The following STKLD1 variants were observed in gnomAD, a reference collection of about 807,000 sequenced individuals.
STKLD1 encodes serine/threonine kinase-like domain-containing protein STKLD1.
In STKLD1, 79 loss-of-function variants were observed where a neutral mutation model predicts 80.4. That is an observed-to-expected ratio of 0.98 (90% CI 0.82 to 1.19). STKLD1 has a LOEUF of 1.19. Among genes scored for constraint, STKLD1 ranks in the 50% most tolerant of loss-of-function variants. STKLD1 has a pLI of 0.00. For missense variants in STKLD1, 841 were observed against 856.0 expected, an observed-to-expected ratio of 0.98 and a Z score of 0.22; for synonymous variants, 393 against 357.6, an observed-to-expected ratio of 1.10 and a Z score of -1.12.
chr9:133,396,824 T>C (rs1838575565), intron 9 of STKLD1, among the ~76,000 whole-genome samples: 1 of 152,116 alleles, frequency 6.6e-6, no homozygotes, highest in African/African-American at 2.4e-5. Context: ...CTGGGTCATA[T>C]TCATCTTTAT....
intron 7 of STKLD1, among the ~76,000 whole-genome samples, chr9:133,392,127 A>G (rs587649759): frequency 4.8e-5 from 7 of 144,940 alleles, no homozygotes; most frequent in African/African-American, 1.8e-4. Context: ...CCCAGGCTGG[A>G]ATGCAGTAGC....
chr9:133,389,171 A>T lies in STKLD1; in HGVS notation c.397-355A>T, dbSNP rs1396860164. The T allele has an allele frequency of 3.0e-6, 3 of 985,092 alleles. No homozygotes were observed. In the South Asian group the frequency reaches 1.4e-4, roughly 46 times the overall value. The allele number at this position is 985,092 out of a possible 1,614,324, so 61.0% of individuals were successfully genotyped here. A position where few individuals can be genotyped will look rare whatever the true frequency, so the allele number is the denominator to read the frequency against. ...GCTCATGTAGGCACTGAAGGCTTCC[A>T]CCTCTCCCATACCCGCAAGGCCGAT... On this transcript the variant is annotated intron_variant, in intron 5 of 17. Transcript: ENST00000371957. This position sits in a 1 kb window ranked among gnomAD's most constrained non-coding sequence, Gnocchi z 6.4.
Position 133,395,769 on chromosome 9 carries a change from C to T in STKLD1, c.866+6C>T, listed in dbSNP as rs368667966. ...TCGGATCGAATAACGATAAAGTGAGCTCAGGGTCGGGGTTTATTTTAACCT... is the reference window on the plus strand; with the variant it reads ...TCGGATCGAATAACGATAAAGTGAGTTCAGGGTCGGGGTTTATTTTAACCT... On this transcript the variant is annotated splice_donor_region_variant and intron_variant, in intron 9 of 17. Transcript: ENST00000371957. 2.5e-6 allele frequency: 4 copies of T among 1,612,846 alleles called. No homozygotes were observed. Among genetic ancestry groups the T allele is most frequent in the East Asian group, 4.5e-5 (2 of 44,882 alleles).
At chr9:133,386,720 C>T (rs1838272157) in intron 4 of STKLD1, among the ~76,000 whole-genome samples, 1 of 152,244 alleles carries the variant, frequency 6.6e-6, no homozygotes, top group African/African-American at 2.4e-5. Flanking sequence ...CAGGAGCTTT[C>T]CAGTCACTTC....
intron 7 of STKLD1, among the ~76,000 whole-genome samples, chr9:133,391,339 C>G (rs1386780269): frequency 5.3e-5 from 8 of 150,402 alleles, no homozygotes; most frequent in Non-Finnish European, 7.4e-5. Flanking sequence ...CCCCTCTGCC[C>G]GGCCGCCACC....
rs2119225444 is a variant in STKLD1 at position 133,392,689 on chromosome 9, A to AT, written c.584-1602_584-1601insT. ...TGGGTGGGTGAGTGGATGGGTGAGT[A>AT]GGTGAGTGGATGAGTGGATGGATGG... On this transcript the variant is annotated intron_variant, in intron 7 of 17. Transcript: ENST00000371957. 7.6e-3 allele frequency among the ~76,000 whole-genome samples: 307 copies of AT among 40,390 alleles called. 40 individuals are homozygous for AT. The highest frequency in any genetic ancestry group is 0.033 in the African/African-American group (272 of 8,368). 26.5% of individuals were successfully genotyped at this position (40,390 alleles called of 152,430 possible).
rs1554777705 is a variant in STKLD1 at position 133,401,767 on chromosome 9, C to T, written c.1228C>T (p.Pro410Ser). ...GGTGCACCACCCGGAAGCCAAGGCTCCCTGCAACCAAGCCATCACCTCCAC... is the reference window on the plus strand; with the variant it reads ...GGTGCACCACCCGGAAGCCAAGGCTTCCTGCAACCAAGCCATCACCTCCAC... Reference protein sequence around the residue: ...ALVHHPEAKAPCNQAITSTLL... With the variant: ...ALVHHPEAKASCNQAITSTLL... The change falls in exon 13 of 18, where the codon CCC becomes TCC. Residue 410 changes from proline to serine, a missense_variant. Pro to Ser is a moderately conservative substitution (Grantham distance 74, BLOSUM62 -1). Transcript: ENST00000371957. 1 of 1,613,358 alleles carries T rather than the reference C, an allele frequency of 6.2e-7. No homozygotes were observed. The highest frequency in any genetic ancestry group is 8.5e-7 in the Non-Finnish European group (1 of 1,179,936).
At chr9:133,399,900 G>A (rs1177032128) in intron 11 of STKLD1, among the ~76,000 whole-genome samples, 1 of 151,758 alleles carries the variant, frequency 6.6e-6, no homozygotes, top group African/African-American at 2.4e-5. Flanking sequence ...AAAAAGAGGG[G>A]GGGGTCTTGC....
At chr9:133,380,520 G>C (rs2130263739) in intron 2 of STKLD1, among the ~76,000 whole-genome samples, 1 of 152,276 alleles carries the variant, frequency 6.6e-6, no homozygotes, top group South Asian at 2.1e-4. Flanking sequence ...TGAGCATGGT[G>C]GTGGGTGCCT....
chr9:133,391,148 GC>G (rs796168636), intron 7 of STKLD1, among the ~76,000 whole-genome samples: 3 of 149,270 alleles, frequency 2.0e-5, no homozygotes, highest in Admixed American at 6.6e-5. Context: ...GGGGGGGTCA[GC>G]CCCCCGCCCG....
intron 11 of STKLD1, among the ~76,000 whole-genome samples, chr9:133,399,922 C>G (rs1050172590): frequency 5.3e-5 from 8 of 151,566 alleles, no homozygotes; most frequent in African/African-American, 1.9e-4. Context: ...TCGCTCCACA[C>G]TCCAGGTGCC....
chr9:133,389,326 C>CTGGCTGCCGCCGCGGCTT lies in STKLD1; in HGVS notation c.397-198_397-181dup. The CTGGCTGCCGCCGCGGCTT allele has an allele frequency of 1.0e-6, 1 of 985,338 alleles. No individual in the cohort carries two copies. The highest frequency in any genetic ancestry group is 1.2e-6 in the Non-Finnish European group (1 of 829,904). The allele number at this position is 985,338 out of a possible 1,614,324, so 61.0% of individuals were successfully genotyped here. ...TGGAGTCTGGAAACTCAGAGTCCTTCTGGCTGCCGCCGCGGCTTTACCATC... is the reference window on the plus strand; with the variant it reads ...TGGAGTCTGGAAACTCAGAGTCCTTCTGGCTGCCGCCGCGGCTTTGGCTGCCGCCGCGGCTTTACCATC... On this transcript the variant is annotated intron_variant, in intron 5 of 17. Transcript: ENST00000371957. This position sits in a 1 kb window ranked among gnomAD's most constrained non-coding sequence, Gnocchi z 6.4.
At chr9:133,378,602 G>A (rs1018634192) in intron 1 of STKLD1, among the ~76,000 whole-genome samples, 1 of 152,244 alleles carries the variant, frequency 6.6e-6, no homozygotes, top group African/African-American at 2.4e-5. Flanking sequence ...GAAGTGCTTG[G>A]CACCATGCCA....
At chr9:133,404,952 C>T (rs1554778440) in intron 17 of STKLD1, 23 bp downstream of exon 17, 1 of 1,611,868 alleles carries the variant, frequency 6.2e-7, no homozygotes, top group Non-Finnish European at 8.5e-7. Context: ...TCTCACCTCA[C>T]ACTCCCTAGA....
chr9:133,380,967 G>A (rs2130264696), intron 2 of STKLD1, among the ~76,000 whole-genome samples: 21 of 152,006 alleles, frequency 1.4e-4, no homozygotes, highest in African/African-American at 5.1e-4. Flanking sequence ...TGAGCATTGA[G>A]CTTGTTCTCA....
intron 1 of STKLD1, among the ~76,000 whole-genome samples, chr9:133,378,030 C>T (rs1838041106): frequency 6.6e-6 from 1 of 152,182 alleles, no homozygotes; most frequent in Non-Finnish European, 1.5e-5. Flanking sequence ...TCTAATGCTG[C>T]TGCTGAGCTG....
chr9:133,392,356 C>T (rs1031737454), intron 7 of STKLD1, among the ~76,000 whole-genome samples: 7 of 151,916 alleles, frequency 4.6e-5, no homozygotes, highest in Admixed American at 2.0e-4. Flanking sequence ...CGTGAACCAC[C>T]GCACCCGGCC....
intron 1 of STKLD1, among the ~76,000 whole-genome samples, chr9:133,377,282 C>G (rs899904821): frequency 6.6e-6 from 1 of 152,142 alleles, no homozygotes; most frequent in African/African-American, 2.4e-5. Flanking sequence ...AGACTTGATT[C>G]GAGATACGGC....
At position 133,394,108 on chromosome 9, in the gene STKLD1, G is replaced by T. The variant is rs975836064; in HGVS notation, c.584-183G>T. On this transcript the variant is annotated intron_variant, in intron 7 of 17. Transcript: ENST00000371957. This position sits in a 1 kb window ranked among gnomAD's most constrained non-coding sequence, Gnocchi z 4.9. ...CAACACAAAGCTCCCGCTGATTGGG[G>T]CCTCTTCCTCCCCACAGTTAATATT... 31 of 628,452 alleles carry T rather than the reference G, an allele frequency of 4.9e-5. No individual in the cohort carries two copies. Among genetic ancestry groups the T allele is most frequent in the Middle Eastern group, 8.8e-4 (2 of 2,272 alleles). The allele number at this position is 628,452 out of a possible 1,614,324, so 38.9% of individuals were successfully genotyped here.
Sources: allele counts gnomAD v4.1 joint callset (sites outside exome capture counted in the v4.1 genomes callset), GRCh38; gene constraint gnomAD v4.1.1; non-coding constraint Gnocchi (gnomAD v3.1); transcripts MANE v1.5; gene names NCBI Gene and HGNC (gene_info 2026-07-23, HGNC 2026-07-21).